The following LOC122455340 variants were observed in gnomAD, a reference collection of about 807,000 sequenced individuals.
chr12:53,242,445 GACT>G, the LOC122455340 span: 1 of 398,274 alleles, frequency 2.5e-6, no homozygotes, highest in South Asian at 1.3e-4. Context: ...CATTTAGGTG[GACT>G]GTTGCCCACC....
the LOC122455340 span, chr12:53,242,503 G>A: frequency 2.5e-6 from 1 of 398,242 alleles, no homozygotes; most frequent in Non-Finnish European, 4.4e-6. Flanking sequence ...TGCTGCCCTG[G>A]CAAGGAGGCA....
chr12:53,242,651 C>T, the LOC122455340 span: 2 of 381,402 alleles, frequency 5.2e-6, no homozygotes, highest in African/African-American at 4.1e-5. Flanking sequence ...CCTGCTGGTT[C>T]CAGAACCTCT....
At chr12:53,241,987 C>T in the LOC122455340 span, 1 of 399,376 alleles carries the variant, frequency 2.5e-6, no homozygotes, top group Non-Finnish European at 4.4e-6. Flanking sequence ...CAAGAGCCTC[C>T]TGCCTGCTCC....
chr12:53,242,270 T>C, the LOC122455340 span: 9 of 399,544 alleles, frequency 2.3e-5, no homozygotes, highest in African/African-American at 4.1e-5. Context: ...CCTGCCCAGT[T>C]TACCCTTGCT....
At chr12:53,242,184 T>C in the LOC122455340 span, 2 of 401,546 alleles carry the variant, frequency 5.0e-6, no homozygotes, top group Non-Finnish European at 8.8e-6. Context: ...CTGCCCTGCC[T>C]GTCCTCCCTT....
chr12:53,242,601 G>A, the LOC122455340 span: 1 of 395,934 alleles, frequency 2.5e-6, no homozygotes, highest in Non-Finnish European at 4.4e-6. Flanking sequence ...TGGAGAGGTG[G>A]CAGGGGGAAT....
the LOC122455340 span, chr12:53,242,605 G>A: frequency 7.6e-6 from 3 of 395,540 alleles, no homozygotes; most frequent in East Asian, 3.6e-5. Flanking sequence ...GAGGTGGCAG[G>A]GGGAATCTGC....
At chr12:53,242,127 G>A in the LOC122455340 span, 3 of 395,478 alleles carry the variant, frequency 7.6e-6, no homozygotes, top group Non-Finnish European at 1.3e-5. Context: ...TCCCTGCCCC[G>A]CTTGTCCCAG....
the LOC122455340 span, chr12:53,242,522 G>A: frequency 2.5e-6 from 1 of 398,100 alleles, no homozygotes; most frequent in Non-Finnish European, 4.4e-6. Context: ...CAGGAGCTGG[G>A]TGGAGTGGGA....
At chr12:53,242,071 G>A in the LOC122455340 span, 5 of 399,904 alleles carry the variant, frequency 1.3e-5, no homozygotes, top group East Asian at 1.1e-4. Context: ...TGCCATGGCT[G>A]TCCCCCACCC....
At chr12:53,242,658 C>T in the LOC122455340 span, 1 of 377,128 alleles carries the variant, frequency 2.7e-6, no homozygotes, top group African/African-American at 2.1e-5. Flanking sequence ...GTTCCAGAAC[C>T]TCTTCCTCTG....
chr12:53,242,561 C>G, the LOC122455340 span: 1 of 397,232 alleles, frequency 2.5e-6, no homozygotes, highest in East Asian at 3.6e-5. Flanking sequence ...CTCCCTCAAG[C>G]AGGTAGAGGC....
chr12:53,242,479 G>A, the LOC122455340 span: 421 of 398,238 alleles, frequency 1.1e-3, 2 homozygotes, highest in African/African-American at 7.8e-3. Context: ...CAGTTTCCTG[G>A]AGCACTTCCG....
chr12:53,242,686 G>A, the LOC122455340 span: 2 of 348,500 alleles, frequency 5.7e-6, no homozygotes, highest in South Asian at 3.0e-4. Context: ...TGGAATGGAA[G>A]GTGTTCTTCT....
the LOC122455340 span, chr12:53,242,206 A>G: frequency 6.0e-4 from 241 of 399,852 alleles, no homozygotes; most frequent in Non-Finnish European, 9.3e-4. Context: ...ACTTGTCCCC[A>G]TAACTCCTGT....
chr12:53,242,132 T>A, the LOC122455340 span: 1 of 400,774 alleles, frequency 2.5e-6, no homozygotes, highest in Non-Finnish European at 4.4e-6. Context: ...GCCCCGCTTG[T>A]CCCAGCCTCC....
the LOC122455340 span, chr12:53,242,504 C>A: frequency 2.5e-6 from 1 of 398,174 alleles, no homozygotes; most frequent in Non-Finnish European, 4.4e-6. Context: ...GCTGCCCTGG[C>A]AAGGAGGCAG....
the LOC122455340 span, chr12:53,242,658 C>A: frequency 2.7e-6 from 1 of 377,246 alleles, no homozygotes; most frequent in Non-Finnish European, 4.7e-6. Flanking sequence ...GTTCCAGAAC[C>A]TCTTCCTCTG....
At chr12:53,242,373 C>T in the LOC122455340 span, 1 of 397,020 alleles carries the variant, frequency 2.5e-6, no homozygotes, top group African/African-American at 2.1e-5. Flanking sequence ...TCCAGGCTCC[C>T]TTGGCTGCTG....
Sources: allele counts gnomAD v4.1 joint callset, GRCh38; gene constraint gnomAD v4.1.1; transcripts MANE v1.5.